The following ZFAT variants were observed in gnomAD, a reference collection of about 807,000 sequenced individuals.
The protein encoded by ZFAT is zinc finger protein ZFAT.
ZFAT carries 64 observed loss-of-function variants against 117.7 expected under a neutral mutation model. That is an observed-to-expected ratio of 0.54 (90% CI 0.44 to 0.67). The LOEUF (loss-of-function observed/expected upper bound fraction) is 0.67, where lower values mean the gene tolerates loss of function less well. Among genes scored for constraint, ZFAT ranks in the 30% least tolerant of loss-of-function variants. The pLI, the probability that ZFAT is intolerant of heterozygous loss-of-function variation, is 0.00. For synonymous variants in ZFAT, 679 were observed against 615.0 expected (o/e 1.10, Z -1.54); for missense variants, 1,433 against 1,584.5 (o/e 0.90, Z 1.62).
chr8:134,527,890 G>C (rs920089156), intron 12 of ZFAT, among the ~76,000 whole-genome samples: 11 of 152,116 alleles, frequency 7.2e-5, no homozygotes, highest in African/African-American at 2.2e-4. Context: ...CTTGGGATCT[G>C]AGACACTCTG....
chr8:134,788,641 C>T, the ZFAT span, among the ~76,000 whole-genome samples: 3 of 151,994 alleles, frequency 2.0e-5, no homozygotes, highest in Non-Finnish European at 2.9e-5. Flanking sequence ...GGGTAGGGTC[C>T]GGATAGTCTA....
intron 1 of ZFAT, among the ~76,000 whole-genome samples, chr8:134,669,968 C>CA (rs1291708670): frequency 6.6e-6 from 1 of 152,206 alleles, no homozygotes; most frequent in Non-Finnish European, 1.5e-5. Flanking sequence ...TCTGATAAAA[C>CA]AGACTTTAAA....
At chr8:134,825,172 C>T in the ZFAT span, among the ~76,000 whole-genome samples, 1 of 152,320 alleles carries the variant, frequency 6.6e-6, no homozygotes, top group East Asian at 1.9e-4. Context: ...TAAAGAGGTA[C>T]ATATGCCTCT....
rs116456099 is a variant in ZFAT, at chr8:134,549,690, G to T, written c.2976+15643C>A. Among the ~76,000 whole-genome samples the T allele has an allele frequency of 8.0e-3, 1,223 of 152,280 alleles. 16 individuals are homozygous for T. The highest frequency in any genetic ancestry group is 0.027 in the African/African-American group (1,115 of 41,544). On this transcript the variant is annotated intron_variant, in intron 11 of 15. Transcript: ENST00000377838. ...AATTACAAGATACATGGTGGTTCTCGTAAGGAAAATTCCTAAAGAACATTT... is the reference window on the plus strand; with the variant it reads ...AATTACAAGATACATGGTGGTTCTCTTAAGGAAAATTCCTAAAGAACATTT...
intron 13 of ZFAT, 88 bp from the exon 14 acceptor site, chr8:134,512,689 C>T (rs918548681): frequency 2.2e-5 from 33 of 1,499,900 alleles, no homozygotes; most frequent in African/African-American, 1.5e-4. Context: ...ATAGAACAAA[C>T]GCATATAAGA....
chr8:134,702,262 G>A (rs1272223413), intron 1 of ZFAT, among the ~76,000 whole-genome samples: 3 of 152,162 alleles, frequency 2.0e-5, no homozygotes, highest in South Asian at 2.1e-4. Flanking sequence ...CTAAGACAGG[G>A]CTATTACAAA....
At chr8:134,713,070 G>T, upstream of ZFAT, 1 of 523,008 alleles carries the variant, frequency 1.9e-6, no homozygotes, top group Non-Finnish European at 3.0e-6. Context: ...GCAGACGCCT[G>T]CGTAGCGGAC....
intron 1 of ZFAT, among the ~76,000 whole-genome samples, chr8:134,660,669 T>G (rs1224718804): frequency 6.6e-6 from 1 of 152,228 alleles, no homozygotes; most frequent in African/African-American, 2.4e-5. Context: ...CTGTAAGTAT[T>G]CTTGGTTCCT....
intron 1 of ZFAT, among the ~76,000 whole-genome samples, chr8:134,708,719 G>T (rs910680464): frequency 3.9e-5 from 6 of 152,154 alleles, no homozygotes; most frequent in African/African-American, 1.4e-4. Context: ...TTGGGAGGCT[G>T]AGGCAGGCGG....
At position 134,565,437 on chromosome 8, in the gene ZFAT, G is replaced by T. The variant is rs775995069; in HGVS notation, c.2888-16C>A. On this transcript the variant is annotated splice_polypyrimidine_tract_variant and intron_variant, in intron 10 of 15. Coordinates refer to ENST00000377838, the MANE Select transcript of ZFAT (RefSeq NM_020863.4). ...AACTGCTTCCCTGGAAAGAAGCGGA[G>T]GACAAGATGAGCGTCGCCAGGCCAA... 7.4e-6 allele frequency: 12 copies of T among 1,610,790 alleles called. No homozygotes were observed. The African/African-American group carries it at 1.5e-4, about 20-fold the overall frequency.
intron 11 of ZFAT, among the ~76,000 whole-genome samples, chr8:134,557,192 C>G (rs1823701137): frequency 6.6e-6 from 1 of 152,112 alleles, no homozygotes; most frequent in Non-Finnish European, 1.5e-5. Context: ...AGGTCTACAG[C>G]AACCACTAAA....
intron 15 of ZFAT, among the ~76,000 whole-genome samples, chr8:134,479,010 G>C (rs554324230): frequency 6.6e-6 from 1 of 152,146 alleles, no homozygotes; most frequent in South Asian, 2.1e-4. Context: ...GCTGCTTCCC[G>C]GGGCTTCCAG....
Position 134,565,329 on chromosome 8 carries a change from T to C in ZFAT, c.2976+4A>G. ...ATCTGCCTTCTTCTCCAGAGCCCTCTTACCTTGAAGGAGACATGCTGTTCC... is the reference window on the plus strand; with the variant it reads ...ATCTGCCTTCTTCTCCAGAGCCCTCCTACCTTGAAGGAGACATGCTGTTCC... On this transcript the variant is annotated splice_donor_region_variant and intron_variant, in intron 11 of 15. Coordinates refer to ENST00000377838, the MANE Select transcript of ZFAT (RefSeq NM_020863.4). 13 of 1,613,512 alleles carry C rather than the reference T, an allele frequency of 8.1e-6. No homozygotes were observed. The highest frequency in any genetic ancestry group is 1.1e-5 in the Non-Finnish European group (13 of 1,179,798).
intron 7 of ZFAT, among the ~76,000 whole-genome samples, chr8:134,591,483 G>A (rs539188693): frequency 6.6e-6 from 1 of 152,198 alleles, no homozygotes; most frequent in Non-Finnish European, 1.5e-5. Flanking sequence ...TCACTTGAGG[G>A]CGATTTCATA....
At chr8:134,628,954 T>A (rs1206247567) in intron 3 of ZFAT, among the ~76,000 whole-genome samples, 1 of 152,222 alleles carries the variant, frequency 6.6e-6, no homozygotes, top group South Asian at 2.1e-4. Context: ...AAATATTTAA[T>A]GGGGATAAAT....
chr8:134,658,406 G>A (rs912318695), intron 1 of ZFAT, among the ~76,000 whole-genome samples: 15 of 151,724 alleles, frequency 9.9e-5, no homozygotes, highest in Admixed American at 2.0e-4. Flanking sequence ...GCACACTGAT[G>A]GCAATTAAGC....
the ZFAT span, among the ~76,000 whole-genome samples, chr8:134,820,338 T>C: frequency 6.6e-6 from 1 of 152,312 alleles, no homozygotes; most frequent in East Asian, 1.9e-4. Context: ...TACTCTCCTT[T>C]TCCTCAACTC....
At chr8:134,779,678 C>G in the ZFAT span, among the ~76,000 whole-genome samples, 1 of 152,086 alleles carries the variant, frequency 6.6e-6, no homozygotes, top group Non-Finnish European at 1.5e-5. Context: ...GTATAAGTAT[C>G]TATCTTAAAA....
At chr8:134,566,519 C>T (rs938627492) in intron 10 of ZFAT, among the ~76,000 whole-genome samples, 23 of 151,802 alleles carry the variant, frequency 1.5e-4, no homozygotes, top group African/African-American at 5.6e-4. Flanking sequence ...TAAATAAAAC[C>T]TCAACAAGCA....
Sources: allele counts gnomAD v4.1 joint callset (sites outside exome capture counted in the v4.1 genomes callset), GRCh38; gene constraint gnomAD v4.1.1; transcripts MANE v1.5; gene names NCBI Gene and HGNC (gene_info 2026-07-23, HGNC 2026-07-21).